BFSP2: variants seen among roughly 807,000 people sequenced by gnomAD.
The protein encoded by BFSP2 is beaded filament structural protein 2.
In BFSP2, 38 loss-of-function variants were observed where a neutral mutation model predicts 44.9. The ratio of observed to expected loss-of-function variants is 0.85; its 90% CI spans 0.65 to 1.11. The LOEUF (loss-of-function observed/expected upper bound fraction) is 1.11, where lower values mean the gene tolerates loss of function less well. BFSP2 is among the 50% of genes least tolerant of loss of function. The pLI, the probability that BFSP2 is intolerant of heterozygous loss-of-function variation, is 0.00. For missense variants in BFSP2, 525 were observed against 533.0 expected (o/e 0.99, Z 0.15); for synonymous variants, 197 against 209.9 (o/e 0.94, Z 0.53).
intron 1 of BFSP2, among the ~76,000 whole-genome samples, chr3:133,425,479 C>T (rs2073635231): frequency 6.6e-6 from 1 of 152,200 alleles, no homozygotes; most frequent in Non-Finnish European, 1.5e-5. Context: ...CTTCCCAGCC[C>T]CTGGGCGAAA....
intron 4 of BFSP2, among the ~76,000 whole-genome samples, chr3:133,453,651 A>G (rs900816442): frequency 2.6e-5 from 4 of 152,228 alleles, no homozygotes; most frequent in Admixed American, 6.5e-5. Context: ...CCATCTCCCA[A>G]CAGTTTTCTG....
chr3:133,404,197 C>A (rs1399926928), intron 1 of BFSP2, among the ~76,000 whole-genome samples: 1 of 152,178 alleles, frequency 6.6e-6, no homozygotes, highest in African/African-American at 2.4e-5. Flanking sequence ...TATGAGGCAC[C>A]GTGCCCAGCC....
chr3:133,408,092 A>G (rs59898366), intron 1 of BFSP2, among the ~76,000 whole-genome samples: 2,640 of 152,288 alleles, frequency 0.017, 88 homozygotes, highest in African/African-American at 0.061. Flanking sequence ...GATAAATGAC[A>G]AACTAGAAAA....
At chr3:133,432,469 G>C (rs1250324948) in intron 1 of BFSP2, among the ~76,000 whole-genome samples, 1 of 152,152 alleles carries the variant, frequency 6.6e-6, no homozygotes, top group Non-Finnish European at 1.5e-5. Context: ...GCTTACCTGG[G>C]CTGTGCTGCC....
At chr3:133,452,295 A>G (rs1004922833) in intron 4 of BFSP2, among the ~76,000 whole-genome samples, 6 of 152,150 alleles carry the variant, frequency 3.9e-5, no homozygotes, top group African/African-American at 1.2e-4. Flanking sequence ...GATTCCCAAA[A>G]TGTTCTCCAG....
chr3:133,443,181 C>A (rs754528754), intron 1 of BFSP2, among the ~76,000 whole-genome samples: 1 of 151,988 alleles, frequency 6.6e-6, no homozygotes, highest in Non-Finnish European at 1.5e-5. Context: ...GATTTTCATT[C>A]GGGGACATGT....
At chr3:133,402,876 C>CA (rs1411415961) in intron 1 of BFSP2, among the ~76,000 whole-genome samples, 2 of 152,066 alleles carry the variant, frequency 1.3e-5, no homozygotes, top group Non-Finnish European at 2.9e-5. Context: ...CTCCTGACCT[C>CA]AGGTGATCCA....
intron 1 of BFSP2, chr3:133,445,678 C>T (rs932221074): frequency 6.6e-6 from 1 of 152,126 alleles, no homozygotes; most frequent in African/African-American, 2.4e-5. Flanking sequence ...TAAATAACAA[C>T]TATGTACATA....
At chr3:133,446,573 TATATATATATATATATATATATA>T (rs2073899991) in intron 1 of BFSP2, among the ~76,000 whole-genome samples, 397 of 28,532 alleles carry the variant, frequency 0.014, 71 homozygotes, top group South Asian at 0.043. Flanking sequence ...TCACCATTTA[TATATATATATATATATATATATA>T]TATATATATA....
chr3:133,416,715 T>C (rs1576563318), intron 1 of BFSP2, among the ~76,000 whole-genome samples: 1 of 86,878 alleles, frequency 1.2e-5, no homozygotes, highest in Non-Finnish European at 2.2e-5. Flanking sequence ...CTCCCCATCC[T>C]CTCCCCTCTA....
At chr3:133,416,744 C>T (rs1257623808) in intron 1 of BFSP2, among the ~76,000 whole-genome samples, 1 of 142,154 alleles carries the variant, frequency 7.0e-6, no homozygotes, top group Non-Finnish European at 1.5e-5. Flanking sequence ...TGCCCTCTCA[C>T]CTCTACTCAC....
At chr3:133,426,257 C>T (rs972182534) in intron 1 of BFSP2, among the ~76,000 whole-genome samples, 3 of 151,966 alleles carry the variant, frequency 2.0e-5, no homozygotes, top group Non-Finnish European at 1.5e-5. Flanking sequence ...CTGGCATCCC[C>T]TCACCCTCGC....
At chr3:133,417,895 CTCTCCCCTCTACTCACCCCTGCCA>C (rs1160049384) in intron 1 of BFSP2, among the ~76,000 whole-genome samples, 8 of 145,808 alleles carry the variant, frequency 5.5e-5, no homozygotes, top group Non-Finnish European at 1.2e-4. Flanking sequence ...CACCTCTGTC[CTCTCCCCTCTACTCACCCCTGCCA>C]TCTCCCCTCT....
intron 1 of BFSP2, among the ~76,000 whole-genome samples, chr3:133,423,357 T>G (rs914383147): frequency 6.6e-6 from 1 of 152,206 alleles, no homozygotes; most frequent in Non-Finnish European, 1.5e-5. Context: ...TCCACCGGGT[T>G]GTTGTGGGAA....
intron 3 of BFSP2, among the ~76,000 whole-genome samples, chr3:133,449,566 G>A (rs568904414): frequency 6.6e-5 from 10 of 152,138 alleles, no homozygotes; most frequent in Admixed American, 2.6e-4. Context: ...GCCTGGGCTT[G>A]TGGAGACCAA....
intron 1 of BFSP2, among the ~76,000 whole-genome samples, chr3:133,418,473 C>T (rs1357162546): frequency 1.3e-5 from 2 of 152,086 alleles, no homozygotes; most frequent in Non-Finnish European, 2.9e-5. Context: ...GTGTGGGTAC[C>T]CAGCGTCCCT....
intron 4 of BFSP2, among the ~76,000 whole-genome samples, chr3:133,463,427 T>G (rs148255368): frequency 4.1e-4 from 63 of 152,320 alleles, no homozygotes; most frequent in African/African-American, 1.5e-3. Context: ...GACTTGGGGA[T>G]TTATACGTTG....
chr3:133,472,393 A>G lies in BFSP2; in HGVS notation c.1072A>G (p.Met358Val), dbSNP rs762632100. The change falls in exon 6 of 7, where the codon ATG becomes GTG. Residue 358 changes from methionine to valine, a missense_variant. Physicochemically the swap from Met to Val is conservative, Grantham distance 21 (BLOSUM62 1). Coordinates refer to ENST00000302334, the MANE Select transcript of BFSP2 (RefSeq NM_003571.4). ...TLHDAKHWHDMELQNLGAVVG... is the reference protein window; with the variant it reads ...TLHDAKHWHDVELQNLGAVVG... ...GCACGATGCCAAGCACTGGCATGAC[A>G]TGGAGCTCCAGAACCTGGGCGCTGT... 6 of 1,614,070 alleles carry G rather than the reference A, an allele frequency of 3.7e-6. No individual in the cohort carries two copies. Among genetic ancestry groups the G allele is most frequent in the South Asian group, 3.3e-5 (3 of 91,092 alleles).
intron 1 of BFSP2, chr3:133,404,705 T>C (rs2073389870): frequency 6.6e-6 from 1 of 152,190 alleles, no homozygotes; most frequent in Admixed American, 6.5e-5. Flanking sequence ...TATATTTGAG[T>C]AACTTAAATC....
Sources: allele counts gnomAD v4.1 joint callset (sites outside exome capture counted in the v4.1 genomes callset), GRCh38; gene constraint gnomAD v4.1.1; transcripts MANE v1.5; gene names NCBI Gene and HGNC (gene_info 2026-07-23, HGNC 2026-07-21).